The following UGGT2 variants were observed in gnomAD, a reference collection of about 807,000 sequenced individuals.
The protein encoded by UGGT2 is UDP-glucose:glycoprotein glucosyltransferase 2.
Under a neutral mutation model 192.1 loss-of-function variants are expected in UGGT2, and 180 were observed. The ratio of observed to expected loss-of-function variants is 0.94; its 90% confidence interval spans 0.83 to 1.06. UGGT2 has a LOEUF of 1.06. UGGT2 is among the 50% of genes least tolerant of loss of function. The pLI is 0.00. For synonymous variants in UGGT2, 580 were observed against 591.0 expected, an observed-to-expected ratio of 0.98 and a Z score of 0.27; for missense variants, 1,849 against 1,795.7, an observed-to-expected ratio of 1.03 and a Z score of -0.54.
intron 15 of UGGT2, among the ~76,000 whole-genome samples, chr13:95,941,576 A>G (rs769117877): frequency 2.6e-5 from 4 of 152,200 alleles, no homozygotes; most frequent in Non-Finnish European, 5.9e-5. Context: ...GATAAAGGAA[A>G]AGTCATTCAG....
intron 17 of UGGT2, among the ~76,000 whole-genome samples, chr13:95,927,890 G>A (rs923603733): frequency 6.6e-6 from 1 of 152,094 alleles, no homozygotes; most frequent in Non-Finnish European, 1.5e-5. Flanking sequence ...CTGCCTTGCA[G>A]GGTCTGTTTA....
At chr13:95,953,068 T>C (rs1162147139) in intron 12 of UGGT2, among the ~76,000 whole-genome samples, 2 of 152,224 alleles carry the variant, frequency 1.3e-5, no homozygotes, top group Non-Finnish European at 2.9e-5. Context: ...ACTTTGGGCA[T>C]ATTTTCTGTC....
chr13:95,920,777 G>T (rs1489014298), intron 20 of UGGT2, among the ~76,000 whole-genome samples: 1 of 152,210 alleles, frequency 6.6e-6, no homozygotes, highest in Non-Finnish European at 1.5e-5. Flanking sequence ...AAGCAGTTCG[G>T]AGATTTCTCA....
rs772174774 is a variant in UGGT2, at chr13:95,903,105, C to A, written c.2296-45G>T. 3 of 1,545,040 alleles carry A rather than the reference C, an allele frequency of 1.9e-6. No individual in the cohort carries two copies. The Admixed American group carries it at 5.6e-5, about 29-fold the overall frequency. On this transcript the variant is annotated intron_variant, in intron 20 of 38. Coordinates refer to ENST00000376747, the MANE Select transcript of UGGT2 (RefSeq NM_020121.4). The stretch of plus-strand genomic sequence containing the variant: ...TTAAAAAGACCAGTATCATACATAT[C>A]ATTTTACAGGTGAATATATTTTCTT...
chr13:96,009,135 C>T (rs151053467), intron 5 of UGGT2, among the ~76,000 whole-genome samples: 1 of 152,210 alleles, frequency 6.6e-6, no homozygotes, highest in African/African-American at 2.4e-5. Context: ...AACTGGCTAG[C>T]CATATGCAGA....
rs1357245815 is a variant in UGGT2, at chr13:95,898,164, T to C, written c.2634+2643A>G. Among the ~76,000 whole-genome samples, 3 of 152,078 alleles carry C rather than the reference T, an allele frequency of 2.0e-5. No homozygotes were observed. The East Asian group carries it at 5.8e-4, about 29-fold the overall frequency. On this transcript the variant is annotated intron_variant, in intron 22 of 38. Coordinates refer to ENST00000376747, the MANE Select transcript of UGGT2 (RefSeq NM_020121.4). ...ATCTCTCATCTGGACTACTGCATTATCTCCCAACTGGCTCCCTGACCCCCT... is the reference window on the plus strand; with the variant it reads ...ATCTCTCATCTGGACTACTGCATTACCTCCCAACTGGCTCCCTGACCCCCT...
At position 96,023,021 on chromosome 13, in the gene UGGT2, T is replaced by A; in HGVS notation, c.485+19A>T. ...CTCTCTATAACCACTTCTTTCATTATAGGCTATTATTAATTTACCTTGAAG... is the reference window on the plus strand; with the variant it reads ...CTCTCTATAACCACTTCTTTCATTAAAGGCTATTATTAATTTACCTTGAAG... On this transcript the variant is annotated intron_variant, in intron 4 of 38. Transcript: ENST00000376747. 6.5e-7 allele frequency: 1 copy of A among 1,549,224 alleles called. No homozygotes were observed.
intron 8 of UGGT2, among the ~76,000 whole-genome samples, chr13:95,987,511 A>T (rs1039008623): frequency 1.3e-5 from 2 of 152,160 alleles, no homozygotes; most frequent in African/African-American, 4.8e-5. Context: ...AGGAGGCTTA[A>T]AACATAATTA....
intron 29 of UGGT2, among the ~76,000 whole-genome samples, chr13:95,873,509 C>T (rs1455667649): frequency 2.0e-5 from 3 of 152,104 alleles, no homozygotes; most frequent in Non-Finnish European, 4.4e-5. Flanking sequence ...GCAAACTGGG[C>T]TTCTGTTGTC....
chr13:95,830,733 A>G (rs1244292263), intron 38 of UGGT2, among the ~76,000 whole-genome samples: 4 of 152,182 alleles, frequency 2.6e-5, no homozygotes, highest in African/African-American at 9.7e-5. Flanking sequence ...TTCCTCAAGG[A>G]TCTAAAACTA....
chr13:96,012,753 TG>T (rs2052203612), intron 5 of UGGT2, among the ~76,000 whole-genome samples: 1 of 151,934 alleles, frequency 6.6e-6, no homozygotes, highest in Non-Finnish European at 1.5e-5. Flanking sequence ...TGTGTGTGTG[TG>T]TGTGTGTGTG....
intron 8 of UGGT2, 102 bp downstream of exon 8, chr13:95,989,871 A>T: frequency 1.4e-6 from 1 of 702,220 alleles, no homozygotes; most frequent in Non-Finnish European, 2.3e-6. Context: ...AGTCATTAAT[A>T]CTGTCCATAA....
chr13:95,971,561 C>T (rs1448342450), intron 11 of UGGT2, among the ~76,000 whole-genome samples: 1 of 152,076 alleles, frequency 6.6e-6, no homozygotes, highest in East Asian at 1.9e-4. Flanking sequence ...TAAAAATTTC[C>T]TCATACACTA....
At chr13:95,962,472 T>C (rs2050429486) in intron 12 of UGGT2, among the ~76,000 whole-genome samples, 1 of 151,968 alleles carries the variant, frequency 6.6e-6, no homozygotes, top group South Asian at 2.1e-4. Flanking sequence ...CCTGGACATA[T>C]ACAACACACC....
intron 12 of UGGT2, among the ~76,000 whole-genome samples, chr13:95,963,001 T>C (rs2050449036): frequency 2.0e-5 from 3 of 152,106 alleles, no homozygotes; most frequent in South Asian, 2.1e-4. Context: ...ATAAGACTTA[T>C]TCACTATCAT....
intron 10 of UGGT2, among the ~76,000 whole-genome samples, chr13:95,975,299 C>T (rs1303463748): frequency 6.6e-6 from 1 of 152,052 alleles, no homozygotes; most frequent in Non-Finnish European, 1.5e-5. Context: ...GACCCACATC[C>T]AGATATCCTT....
intron 20 of UGGT2, among the ~76,000 whole-genome samples, chr13:95,907,800 C>A (rs754851223): frequency 6.6e-6 from 1 of 152,192 alleles, no homozygotes; most frequent in African/African-American, 2.4e-5. Flanking sequence ...GAAAGTACAA[C>A]AGAAAAGCTG....
chr13:95,947,943 A>G (rs1431879057), intron 14 of UGGT2, 53 bp downstream of exon 14: 9 of 1,450,152 alleles, frequency 6.2e-6, no homozygotes, highest in African/African-American at 4.2e-5. Flanking sequence ...CACAATATGA[A>G]TAACATTGAA....
At chr13:95,953,811 G>C (rs188341586) in intron 12 of UGGT2, among the ~76,000 whole-genome samples, 32 of 152,258 alleles carry the variant, frequency 2.1e-4, no homozygotes, top group African/African-American at 6.5e-4. Flanking sequence ...CTGTCAGAAG[G>C]GGGTAGTGTT....
Sources: gnomAD v4.1 joint callset for allele counts (sites outside exome capture counted in the v4.1 genomes callset) on GRCh38, gnomAD v4.1.1 for gene constraint, MANE v1.5 for transcripts, NCBI Gene and HGNC (gene_info 2026-07-23, HGNC 2026-07-21) for gene names.